CLASP2: variants seen among roughly 807,000 people sequenced by gnomAD.
The protein encoded by CLASP2 is cytoplasmic linker associated protein 2.
CLASP2 carries 47 observed loss-of-function variants against 194.4 expected under a neutral mutation model. The ratio of observed to expected loss-of-function variants is 0.24; its 90% CI spans 0.19 to 0.31. CLASP2 has a LOEUF of 0.31. Ranked by LOEUF, CLASP2 falls within the 10% of genes least tolerant of loss-of-function variation. The pLI, the probability that CLASP2 is intolerant of heterozygous loss-of-function variation, is 1.00. For synonymous variants in CLASP2, 619 were observed against 633.5 expected, an observed-to-expected ratio of 0.98 and a Z score of 0.34; for missense variants, 1,445 against 1,823.6, an observed-to-expected ratio of 0.79 and a Z score of 3.78.
At position 33,584,744 on chromosome 3, in the gene CLASP2, T is replaced by C. The variant is rs761116458; in HGVS notation, c.2239+6A>G. 2.2e-6 allele frequency: 3 copies of C among 1,341,958 alleles called. No homozygotes were observed. Among genetic ancestry groups the C allele is most frequent in the South Asian group, 1.4e-5 (1 of 73,408 alleles). The allele number at this position is 1,341,958 out of a possible 1,614,324, so 83.1% of individuals were successfully genotyped here. On this transcript the variant is annotated splice_donor_region_variant and intron_variant, in intron 22 of 38. Transcript: ENST00000682230. ...GTCTCACATAAAAAAAAAAAAAAAA[T>C]CTTACCCACTGAAAGCCTAGATGGA...
Position 33,596,747 on chromosome 3 carries a change from C to T in CLASP2, c.1925-13G>A. The T allele has an allele frequency of 6.4e-7, 1 of 1,557,330 alleles. No homozygotes were observed. The highest frequency in any genetic ancestry group is 8.7e-7 in the Non-Finnish European group (1 of 1,147,996). ...TCAGAAGTATCCTCTTTGATGAAAG[C>T]ACAAGCAAAGAACAGAGGAAAACTT... On this transcript the variant is annotated splice_polypyrimidine_tract_variant and intron_variant, in intron 18 of 38. Coordinates refer to ENST00000682230, the MANE Select transcript of CLASP2 (RefSeq NM_001365631.1).
intron 4 of CLASP2, 62 bp downstream of exon 4, chr3:33,688,215 C>A (rs1185189055): frequency 7.7e-7 from 1 of 1,290,784 alleles, no homozygotes; most frequent in Non-Finnish European, 1.1e-6. Flanking sequence ...ACTTTGTGAA[C>A]TGAGGTTTTT....
chr3:33,610,451 C>T (rs1361513835), intron 13 of CLASP2, among the ~76,000 whole-genome samples: 1 of 152,152 alleles, frequency 6.6e-6, no homozygotes, highest in Admixed American at 6.5e-5. Context: ...TACATTTCTG[C>T]TTAGGTTGTA....
At chr3:33,601,855 A>G (rs2072302346) in intron 18 of CLASP2, among the ~76,000 whole-genome samples, 3 of 152,096 alleles carry the variant, frequency 2.0e-5, no homozygotes, top group Non-Finnish European at 4.4e-5. Flanking sequence ...CTATACTCAT[A>G]CCTAAATTCT....
chr3:33,629,966 C>T (rs773428079), intron 9 of CLASP2, among the ~76,000 whole-genome samples: 9 of 151,960 alleles, frequency 5.9e-5, no homozygotes, highest in Non-Finnish European at 1.0e-4. Flanking sequence ...AATGGACTGA[C>T]GATCCTTGAA....
chr3:33,619,140 A>G (rs572026705), intron 12 of CLASP2, among the ~76,000 whole-genome samples: 58 of 152,354 alleles, frequency 3.8e-4, no homozygotes, highest in African/African-American at 1.3e-3. Flanking sequence ...GTATCGGAAC[A>G]TATCCAAAAG....
intron 34 of CLASP2, among the ~76,000 whole-genome samples, chr3:33,532,837 G>A (rs1429216823): frequency 1.3e-5 from 2 of 152,144 alleles, no homozygotes; most frequent in Non-Finnish European, 1.5e-5. Flanking sequence ...CTGAGTAGCT[G>A]GGACTACTGG....
chr3:33,589,431 T>C (rs1294044527), intron 21 of CLASP2, among the ~76,000 whole-genome samples: 2 of 152,158 alleles, frequency 1.3e-5, no homozygotes, highest in Non-Finnish European at 2.9e-5. Context: ...TGAATTACTT[T>C]ATGACAAAGT....
At chr3:33,540,274 C>T (rs1322146235) in intron 32 of CLASP2, among the ~76,000 whole-genome samples, 2 of 137,032 alleles carry the variant, frequency 1.5e-5, no homozygotes, top group Non-Finnish European at 3.1e-5. Flanking sequence ...GGTCTTGCTG[C>T]TGCCCAGACT....
chr3:33,620,325 C>A (rs1422639321), intron 11 of CLASP2, among the ~76,000 whole-genome samples: 1 of 152,108 alleles, frequency 6.6e-6, no homozygotes, highest in Non-Finnish European at 1.5e-5. Context: ...ACTTCTCTTT[C>A]CAATTGTGTA....
intron 7 of CLASP2, chr3:33,659,002 G>A (rs1462911592): frequency 1.3e-6 from 2 of 1,535,900 alleles, no homozygotes; most frequent in Non-Finnish European, 1.7e-6. Context: ...GATGGTCCAG[G>A]GAGCTCTCTG....
chr3:33,647,112 A>C (rs1193869895), intron 7 of CLASP2, among the ~76,000 whole-genome samples: 1 of 152,206 alleles, frequency 6.6e-6, no homozygotes, highest in Non-Finnish European at 1.5e-5. Context: ...AGGTTATTAT[A>C]AAATGGTACT....
intron 2 of CLASP2, among the ~76,000 whole-genome samples, chr3:33,695,617 A>G (rs767394443): frequency 2.6e-5 from 4 of 152,122 alleles, no homozygotes; most frequent in Non-Finnish European, 1.5e-5. Flanking sequence ...TGATATACTG[A>G]TATTAGGAGG....
At chr3:33,700,948 A>C (rs2092334626) in intron 1 of CLASP2, among the ~76,000 whole-genome samples, 1 of 152,214 alleles carries the variant, frequency 6.6e-6, no homozygotes, top group South Asian at 2.1e-4. Context: ...AACAACAATC[A>C]CAAAATACTT....
intron 32 of CLASP2, among the ~76,000 whole-genome samples, chr3:33,542,105 A>G (rs1261647905): frequency 6.6e-6 from 1 of 152,058 alleles, no homozygotes; most frequent in Non-Finnish European, 1.5e-5. Flanking sequence ...CTGAACTTCT[A>G]TGCAAATAAT....
chr3:33,563,904 T>C (rs2062199216), intron 27 of CLASP2: 1 of 456,114 alleles, frequency 2.2e-6, no homozygotes, highest in South Asian at 1.5e-5. Flanking sequence ...ACACACCTCA[T>C]ATATCCACCC....
intron 36 of CLASP2, among the ~76,000 whole-genome samples, chr3:33,511,403 T>TA (rs758646428): frequency 1.4e-4 from 21 of 152,078 alleles, no homozygotes; most frequent in Non-Finnish European, 2.5e-4. Context: ...TCTATTTACT[T>TA]AGACTACAAT....
At chr3:33,619,922 T>C (rs147172633) in intron 11 of CLASP2, among the ~76,000 whole-genome samples, 184 bp from the exon 12 acceptor site, 2 of 152,328 alleles carry the variant, frequency 1.3e-5, no homozygotes, top group African/African-American at 4.8e-5. Context: ...CTTTTCCCCA[T>C]CTTTAACTGG....
Position 33,501,772 on chromosome 3 carries a change from C to T in CLASP2, c.4318-4G>A, listed in dbSNP as rs375701876. Reference sequence around the variant, plus strand: ...TGCTCTCTGAATTATCATAACCCTACGGAGAGAAGTCCACTGTTAGTACTC... The same window carrying T: ...TGCTCTCTGAATTATCATAACCCTATGGAGAGAAGTCCACTGTTAGTACTC... On this transcript the variant is annotated splice_polypyrimidine_tract_variant and splice_region_variant and intron_variant, in intron 37 of 38. Coordinates refer to ENST00000682230, the MANE Select transcript of CLASP2 (RefSeq NM_001365631.1). 2.7e-5 allele frequency: 43 copies of T among 1,597,156 alleles called. 1 individual carries two copies. The highest frequency in any genetic ancestry group is 1.7e-4 in the Middle Eastern group (1 of 6,056).
Sources: allele counts gnomAD v4.1 joint callset (sites outside exome capture counted in the v4.1 genomes callset), GRCh38; gene constraint gnomAD v4.1.1; transcripts MANE v1.5; gene names NCBI Gene and HGNC (gene_info 2026-07-23, HGNC 2026-07-21).